The following COL4A5 variants were observed in gnomAD, a reference collection of about 807,000 sequenced individuals.
The protein encoded by COL4A5 is collagen alpha-5(IV) chain.
COL4A5 carries 26 observed loss-of-function variants against 130.2 expected under a neutral mutation model. That is an observed-to-expected ratio of 0.20 (90% CI 0.15 to 0.28). The LOEUF (loss-of-function observed/expected upper bound fraction) is 0.28. Ranked by LOEUF, COL4A5 falls within the 10% of genes least tolerant of loss-of-function variation. The probability of loss-of-function intolerance (pLI) is 1.00; values close to 1 mark genes in which losing one functional copy is unlikely to be tolerated. For synonymous variants in COL4A5, 496 were observed against 439.6 expected (o/e 1.13, Z -1.60); for missense variants, 1,131 against 1,344.3 (o/e 0.84, Z 2.48).
chrX:108,493,842 C>A (rs1369425099), intron 1 of COL4A5, among the ~76,000 whole-genome samples: 1 of 107,540 alleles, frequency 9.3e-6, no homozygotes, highest in South Asian at 3.9e-4. Context: ...CTAATGGTAT[C>A]TTTTAAATGT....
chrX:108,551,262 A>G (rs1242103707), intron 2 of COL4A5, among the ~76,000 whole-genome samples: 1 of 111,799 alleles, frequency 8.9e-6, no homozygotes, highest in East Asian at 2.8e-4. Context: ...AAGATCTAAT[A>G]TCCAGAATCT....
chrX:108,542,182 A>G (rs1048923432), intron 2 of COL4A5, among the ~76,000 whole-genome samples: 1 of 111,523 alleles, frequency 9.0e-6, no homozygotes, highest in Non-Finnish European at 1.9e-5. Context: ...ATATGTATAC[A>G]TGTGCCATGT....
intron 1 of COL4A5, among the ~76,000 whole-genome samples, chrX:108,534,448 A>C (rs1418933665): frequency 9.0e-6 from 1 of 111,561 alleles, no homozygotes; most frequent in Non-Finnish European, 1.9e-5. Flanking sequence ...ACATGGATGG[A>C]ACTCGATGTC....
intron 50 of COL4A5, among the ~76,000 whole-genome samples, 153 bp downstream of exon 50, chrX:108,693,078 T>C (rs2068662912): frequency 8.9e-6 from 1 of 111,867 alleles, no homozygotes; most frequent in African/African-American, 3.3e-5. Context: ...GTTTGACTCA[T>C]ATTTATTGGG....
intron 2 of COL4A5, among the ~76,000 whole-genome samples, chrX:108,555,698 G>T (rs1208028946): frequency 9.0e-6 from 1 of 110,965 alleles, no homozygotes; most frequent in Non-Finnish European, 1.9e-5. Context: ...TTTTAAAGTG[G>T]CATGATTATA....
At chrX:108,533,737 G>A (rs772975919) in intron 1 of COL4A5, among the ~76,000 whole-genome samples, 1 of 110,673 alleles carries the variant, frequency 9.0e-6, no homozygotes, top group East Asian at 2.8e-4. Flanking sequence ...TCAACAGAGG[G>A]AATAAACAAC....
At chrX:108,461,972 T>A (rs2064658554) in intron 1 of COL4A5, among the ~76,000 whole-genome samples, 1 of 111,994 alleles carries the variant, frequency 8.9e-6, no homozygotes, top group Non-Finnish European at 1.9e-5. Flanking sequence ...AGACATAGGT[T>A]CTCATTAAAT....
At chrX:108,607,249 C>T (rs1305733708) in intron 29 of COL4A5, among the ~76,000 whole-genome samples, 1 of 107,070 alleles carries the variant, frequency 9.3e-6, no homozygotes, top group Non-Finnish European at 1.9e-5. Context: ...TGTTTGTAAT[C>T]CCAGCTACTT....
chrX:108,624,586 A>G (rs1422192962), intron 34 of COL4A5, among the ~76,000 whole-genome samples: 1 of 112,278 alleles, frequency 8.9e-6, no homozygotes, highest in Admixed American at 9.5e-5. Flanking sequence ...GTATACACAG[A>G]ATCAGAAATG....
At chrX:108,602,928 C>T (rs2066660085) in intron 27 of COL4A5, 36 bp from the exon 28 acceptor site, 1 of 988,850 alleles carries the variant, frequency 1.0e-6, no homozygotes, top group South Asian at 2.0e-5. Flanking sequence ...AAGTGCCTTT[C>T]CTTTGGTGGT....
intron 1 of COL4A5, among the ~76,000 whole-genome samples, chrX:108,465,888 C>T: frequency 9.0e-6 from 1 of 110,867 alleles, no homozygotes; most frequent in Non-Finnish European, 1.9e-5. Context: ...TGTTATGTGA[C>T]CACTTCTACC....
In COL4A5 at chrX:108,692,778, G is replaced by A; in HGVS notation, c.4559G>A (p.Ser1520Asn). Residue 1520 changes from serine to asparagine, a missense_variant, in exon 50 of 53, where the codon AGT becomes AAT. Transcript: ENST00000328300. Reference sequence around the variant, plus strand: ...GCTGGCAGCTGCCTTCGTCGCTTTAGTACCATGCCTTTCATGTTCTGCAAC... The same window carrying A: ...GCTGGCAGCTGCCTTCGTCGCTTTAATACCATGCCTTTCATGTTCTGCAAC... ...GTAGSCLRRF[S>N]TMPFMFCNIN... 1.7e-6 allele frequency: 2 copies of A among 1,211,460 alleles called. No homozygotes were observed. Among genetic ancestry groups the A allele is most frequent in the Non-Finnish European group, 2.2e-6 (2 of 895,385 alleles).
chrX:108,537,553 C>T (rs1045261400), intron 1 of COL4A5, among the ~76,000 whole-genome samples: 3 of 111,541 alleles, frequency 2.7e-5, no homozygotes, highest in Non-Finnish European at 5.7e-5. Context: ...AGAAAGGTCA[C>T]ATAGAAACTT....
intron 3 of COL4A5, among the ~76,000 whole-genome samples, chrX:108,561,230 C>T (rs1021645413): frequency 9.0e-6 from 1 of 111,470 alleles, no homozygotes; most frequent in Admixed American, 9.5e-5. Flanking sequence ...GTGAACTACC[C>T]GGGACAGGCA....
intron 26 of COL4A5, 36 bp downstream of exon 26, chrX:108,601,521 C>A: frequency 2.3e-6 from 2 of 882,375 alleles, no homozygotes; most frequent in Non-Finnish European, 3.2e-6. Context: ...AACTTCAACA[C>A]CGATGGCTTT....
At chrX:108,471,675 C>T (rs1463389550) in intron 1 of COL4A5, among the ~76,000 whole-genome samples, 2 of 111,451 alleles carry the variant, frequency 1.8e-5, no homozygotes, top group Non-Finnish European at 3.8e-5. Context: ...AGTACTATGT[C>T]GAAAAGGAGT....
chrX:108,559,007 A>G (rs991068060), intron 2 of COL4A5, 57 bp from the exon 3 acceptor site: 1 of 936,890 alleles, frequency 1.1e-6, no homozygotes, highest in Non-Finnish European at 1.6e-6. Context: ...AATCTCAACC[A>G]TGCCTGTGCT....
chrX:108,660,618 C>T (rs1177044370), intron 37 of COL4A5, among the ~76,000 whole-genome samples: 1 of 111,316 alleles, frequency 9.0e-6, no homozygotes, highest in Non-Finnish European at 1.9e-5. Flanking sequence ...TAATATTTTG[C>T]TCCTTTATAT....
chrX:108,608,456 T>C (rs1337851281), intron 29 of COL4A5, among the ~76,000 whole-genome samples: 1 of 111,067 alleles, frequency 9.0e-6, no homozygotes, highest in South Asian at 3.9e-4. Context: ...TATATACCCA[T>C]CACTGATATT....
Sources: allele counts gnomAD v4.1 joint callset (sites outside exome capture counted in the v4.1 genomes callset), GRCh38; gene constraint gnomAD v4.1.1; transcripts MANE v1.5; gene names NCBI Gene and HGNC (gene_info 2026-07-23, HGNC 2026-07-21).